The following RANBP17 variants were observed in gnomAD, a reference collection of about 807,000 sequenced individuals.
RANBP17 encodes RAN binding protein 17, also known as ran-binding protein 17.
A neutral mutation model predicts 141.2 loss-of-function variants in RANBP17; 158 were observed. The ratio of observed to expected loss-of-function variants is 1.12; its 90% confidence interval spans 0.98 to 1.28. RANBP17 has a LOEUF of 1.28. Among genes scored for constraint, RANBP17 ranks in the 50% most tolerant of loss-of-function variants. The probability of loss-of-function intolerance (pLI) is 0.00; values close to 1 mark genes in which losing one functional copy is unlikely to be tolerated. For synonymous variants in RANBP17, 430 were observed against 450.0 expected (o/e 0.96, Z 0.56); for missense variants, 1,438 against 1,290.7 (o/e 1.11, Z -1.75).
At chr5:171,109,726 T>C (rs1755085702) in intron 14 of RANBP17, among the ~76,000 whole-genome samples, 2 of 152,220 alleles carry the variant, frequency 1.3e-5, no homozygotes, top group Admixed American at 1.3e-4. Flanking sequence ...ATATGTTCAG[T>C]ACGGTTGCAA....
At chr5:171,129,148 G>C (rs1298714226) in intron 14 of RANBP17, among the ~76,000 whole-genome samples, 1 of 152,056 alleles carries the variant, frequency 6.6e-6, no homozygotes, top group Non-Finnish European at 1.5e-5. Context: ...TAACCTCAAC[G>C]TTGAAAGGGA....
intron 25 of RANBP17, among the ~76,000 whole-genome samples, chr5:171,272,877 CCCA>C (rs1456829961): frequency 1.3e-5 from 2 of 152,000 alleles, no homozygotes; most frequent in African/African-American, 2.4e-5. Flanking sequence ...CCCTGTGGCT[CCCA>C]CCACCACCAA....
intron 14 of RANBP17, among the ~76,000 whole-genome samples, chr5:171,102,449 A>T (rs567328488): frequency 6.6e-6 from 1 of 151,810 alleles, no homozygotes; most frequent in Non-Finnish European, 1.5e-5. Context: ...CCATCAGGTC[A>T]TTTATGTTCT....
At chr5:170,986,516 TAC>T (rs1366527574) in intron 14 of RANBP17, among the ~76,000 whole-genome samples, 1 of 151,938 alleles carries the variant, frequency 6.6e-6, no homozygotes, top group African/African-American at 2.4e-5. Context: ...TGATGTTTAT[TAC>T]ACACTGTATG....
intron 14 of RANBP17, among the ~76,000 whole-genome samples, chr5:171,104,010 G>A (rs1011457207): frequency 2.6e-5 from 4 of 152,164 alleles, no homozygotes; most frequent in African/African-American, 9.7e-5. Flanking sequence ...TTCTGTGTTG[G>A]CCTCGCTGGG....
intron 22 of RANBP17, among the ~76,000 whole-genome samples, chr5:171,231,001 A>G (rs553552971): frequency 3.3e-5 from 5 of 151,696 alleles, no homozygotes; most frequent in African/African-American, 1.2e-4. Context: ...CAGTGTCATG[A>G]TCATAATTCA....
intron 14 of RANBP17, among the ~76,000 whole-genome samples, chr5:171,022,739 G>A (rs1402582321): frequency 3.9e-5 from 6 of 152,198 alleles, no homozygotes; most frequent in Non-Finnish European, 7.4e-5. Flanking sequence ...GAGTCCCAGT[G>A]TTGTTTCATA....
At chr5:171,271,021 G>GTGATTTTC (rs1767065757) in intron 25 of RANBP17, 2 of 143,376 alleles carry the variant, frequency 1.4e-5, no homozygotes, top group African/African-American at 6.2e-5. Flanking sequence ...AATTCTAATT[G>GTGATTTTC]TGATTTTCTT....
chr5:171,280,645 A>G (rs1452170872), intron 25 of RANBP17, among the ~76,000 whole-genome samples: 1 of 152,036 alleles, frequency 6.6e-6, no homozygotes. Context: ...GTTGAGGAAG[A>G]CTCCTTGTTT....
At chr5:171,143,966 A>G (rs958795626) in intron 14 of RANBP17, among the ~76,000 whole-genome samples, 3 of 152,212 alleles carry the variant, frequency 2.0e-5, no homozygotes, top group Non-Finnish European at 2.9e-5. Context: ...TACTGGGAAG[A>G]TAAAACAGCA....
In RANBP17 at chr5:171,299,095, A is replaced by G. The variant is rs1768998314; in HGVS notation, c.*237A>G. ...GATGTGTTTTCAGTCTTTCTATCAA[A>G]TATTATCTTTGTTCTCCTAATGCTC... On this transcript the variant is annotated 3_prime_UTR_variant, in exon 28 of 28. Transcript: ENST00000523189. 7 of 414,116 alleles carry G rather than the reference A, an allele frequency of 1.7e-5. No individual in the cohort carries two copies. The highest frequency in any genetic ancestry group is 2.6e-5 in the Non-Finnish European group (6 of 229,026). 25.7% of individuals were successfully genotyped at this position (414,116 alleles called of 1,614,324 possible).
Position 171,204,625 on chromosome 5 carries a change from G to A in RANBP17, c.2143-899G>A, listed in dbSNP as rs566053979. On this transcript the variant is annotated intron_variant, in intron 19 of 27. Transcript: ENST00000523189. ...TATGTTTATTTGTGCTCTTTGTTCC[G>A]ACATTCTAGCATCTGTTCATGGGTT... Among the ~76,000 whole-genome samples the A allele has an allele frequency of 7.2e-5, 11 of 152,138 alleles. No individual in the cohort carries two copies. The East Asian group carries it at 2.1e-3, about 29-fold the overall frequency.
intron 1 of RANBP17, among the ~76,000 whole-genome samples, chr5:170,868,073 CAT>C: frequency 6.6e-6 from 1 of 152,278 alleles, no homozygotes; most frequent in Middle Eastern, 3.4e-3. Flanking sequence ...TTGATAGTTA[CAT>C]GTGTGACTTT....
chr5:170,955,452 GTATATATATATATCTATATA>G (rs1775543756), intron 13 of RANBP17, among the ~76,000 whole-genome samples: 2 of 77,972 alleles, frequency 2.6e-5, no homozygotes, highest in Non-Finnish European at 5.5e-5. Context: ...AAAGAGCTCA[GTATATATATATATCTATATA>G]TATATATATA....
chr5:170,921,214 A>G (rs1418594363), intron 11 of RANBP17, among the ~76,000 whole-genome samples: 1 of 152,062 alleles, frequency 6.6e-6, no homozygotes, highest in Non-Finnish European at 1.5e-5. Flanking sequence ...TAGGGTTTTT[A>G]TGGTGTTAGG....
rs1491257048 is a variant in RANBP17, at chr5:171,258,159, A to ACACACC, written c.2777-7521_2777-7520insACACCC. On this transcript the variant is annotated intron_variant, in intron 24 of 27. Coordinates refer to ENST00000523189, the MANE Select transcript of RANBP17 (RefSeq NM_022897.5). ...CACACACACACACACACACACACAC[A>ACACACC]CCCCTAGGAATGCATTTAACCAAGA... is the stretch of plus-strand genomic sequence containing the variant. 3.5e-4 allele frequency among the ~76,000 whole-genome samples: 46 copies of ACACACC among 133,182 alleles called. No individual in the cohort carries two copies. In the South Asian group the frequency reaches 0.011, roughly 32 times the overall value. The allele number at this position is 133,182 out of a possible 152,430, so 87.4% of individuals were successfully genotyped here.
At chr5:170,904,599 G>A (rs1254534520) in intron 5 of RANBP17, 2 of 152,068 alleles carry the variant, frequency 1.3e-5, no homozygotes, top group Non-Finnish European at 2.9e-5. Flanking sequence ...AGTGATTTCT[G>A]TTTAATCACA....
chr5:171,144,594 C>T (rs888655293), intron 14 of RANBP17, among the ~76,000 whole-genome samples: 1 of 152,150 alleles, frequency 6.6e-6, no homozygotes, highest in African/African-American at 2.4e-5. Context: ...CATTGCCTTC[C>T]CCAATGGCAA....
intron 14 of RANBP17, among the ~76,000 whole-genome samples, chr5:171,128,453 T>TA (rs1399959799): frequency 2.0e-5 from 3 of 151,672 alleles, no homozygotes; most frequent in African/African-American, 4.8e-5. Context: ...ATGAGAGAGC[T>TA]AAAAAAAATG....
Sources: allele counts gnomAD v4.1 joint callset (sites outside exome capture counted in the v4.1 genomes callset), GRCh38; gene constraint gnomAD v4.1.1; transcripts MANE v1.5; gene names NCBI Gene and HGNC (gene_info 2026-07-23, HGNC 2026-07-21).